Variants in EIF4G3 observed in about 807,000 individuals in gnomAD.
The protein encoded by EIF4G3 is eIF-4-gamma 3.
A neutral mutation model predicts 186.4 loss-of-function variants in EIF4G3; 34 were observed. The ratio of observed to expected loss-of-function variants is 0.18; its 90% CI spans 0.14 to 0.24. The LOEUF (loss-of-function observed/expected upper bound fraction) is 0.24. Among genes scored for constraint, EIF4G3 ranks in the 10% least tolerant of loss-of-function variants. The pLI is 1.00. For missense variants in EIF4G3, 1,536 were observed against 1,948.5 expected (o/e 0.79, Z 3.99); for synonymous variants, 673 against 679.5 (o/e 0.99, Z 0.15).
intron 2 of EIF4G3, chr1:21,167,914 A>G: frequency 3.1e-6 from 1 of 327,586 alleles, no homozygotes; most frequent in Non-Finnish European, 6.4e-6. Context: ...TCTTGCAAAT[A>G]ATGCAAAACA....
intron 1 of EIF4G3, 109 bp from the exon 2 acceptor site, chr1:21,176,467 G>T (rs1456620027): frequency 3.8e-5 from 7 of 185,036 alleles, no homozygotes; most frequent in African/African-American, 9.7e-5. Context: ...GCAGCGGGGG[G>T]GCGGGATGGG....
chr1:20,957,187 A>G (rs1480687457), intron 12 of EIF4G3, among the ~76,000 whole-genome samples: 4 of 152,198 alleles, frequency 2.6e-5, no homozygotes, highest in Admixed American at 6.5e-5. Flanking sequence ...GCTTGAAGGC[A>G]GACTTAAGAG....
At chr1:20,809,484 T>G (rs2154543351) in intron 36 of EIF4G3, among the ~76,000 whole-genome samples, 1 of 152,350 alleles carries the variant, frequency 6.6e-6, no homozygotes, top group Middle Eastern at 3.4e-3. Flanking sequence ...CCAACTGAAT[T>G]TTCAAGATGT....
chr1:21,159,954 A>T (rs1481405791), intron 2 of EIF4G3, among the ~76,000 whole-genome samples: 3 of 152,042 alleles, frequency 2.0e-5, no homozygotes, highest in African/African-American at 7.2e-5. Context: ...AAAATACAAA[A>T]AGTTAGCCAG....
Position 21,116,569 on chromosome 1 carries a change from G to T in EIF4G3, c.-271-27356C>A, listed in dbSNP as rs144387848. Among the ~76,000 whole-genome samples, 227 of 152,126 alleles carry T rather than the reference G, an allele frequency of 1.5e-3. 3 individuals are homozygous for T. The East Asian group carries it at 0.043, about 29-fold the overall frequency. On this transcript the variant is annotated intron_variant, in intron 2 of 36. Transcript: ENST00000602326. The stretch of plus-strand genomic sequence containing the variant: ...TATCAAAATACAGGCCAGGCGCGGC[G>T]GCTCACACCTGTAATCCCAGCACTT...
At chr1:21,137,651 T>TA (rs1474243478) in intron 2 of EIF4G3, among the ~76,000 whole-genome samples, 5 of 151,398 alleles carry the variant, frequency 3.3e-5, no homozygotes, top group Admixed American at 3.3e-4. Context: ...TTTACAAAAT[T>TA]AAAAAATAAT....
intron 14 of EIF4G3, among the ~76,000 whole-genome samples, chr1:20,938,482 C>T (rs1286137201): frequency 6.6e-6 from 1 of 152,156 alleles, no homozygotes; most frequent in African/African-American, 2.4e-5. Flanking sequence ...GGTGTTTCAT[C>T]CTCAGGCAGA....
At chr1:20,889,548 G>A (rs1258924377) in intron 18 of EIF4G3, among the ~76,000 whole-genome samples, 1 of 152,146 alleles carries the variant, frequency 6.6e-6, no homozygotes. Context: ...CCAGGATGGA[G>A]TGCAGTGGCA....
intron 7 of EIF4G3, among the ~76,000 whole-genome samples, chr1:20,989,305 C>T (rs1163202064): frequency 6.6e-6 from 1 of 151,140 alleles, no homozygotes; most frequent in Non-Finnish European, 1.5e-5. Context: ...CTTGTAATCC[C>T]AACACTTCGG....
chr1:21,107,772 C>T (rs542691441), intron 2 of EIF4G3, among the ~76,000 whole-genome samples: 23 of 152,140 alleles, frequency 1.5e-4, no homozygotes, highest in African/African-American at 4.6e-4. Context: ...TCAACTGCCC[C>T]GACTCAAGCA....
intron 3 of EIF4G3, among the ~76,000 whole-genome samples, chr1:21,077,275 C>T (rs2095616099): frequency 6.6e-6 from 1 of 151,840 alleles, no homozygotes; most frequent in Non-Finnish European, 1.5e-5. Context: ...AGGCAGCATG[C>T]TTGTAGTCCC....
chr1:20,810,778 A>G lies in EIF4G3; in HGVS notation c.4704T>C (p.Tyr1568=). ...GTTTTACTATCGATGCTTGTAGTGCATAAAGTGCTTGCAGTTCCTTCTCTG... is the reference window on the plus strand; with the variant it reads ...GTTTTACTATCGATGCTTGTAGTGCGTAAAGTGCTTGCAGTTCCTTCTCTG... ...SDTEKELQAL[Y]ALQASIVKLD... The change falls in exon 36 of 37, where the codon TAT becomes TAC. Residue 1568 remains tyrosine (Y), a synonymous_variant. Transcript: ENST00000602326. This position sits in a 1 kb window ranked among gnomAD's most constrained non-coding sequence, Gnocchi z 4.1. 1 of 1,614,156 alleles carries G rather than the reference A, an allele frequency of 6.2e-7. No individual in the cohort carries two copies.
Position 20,904,611 on chromosome 1 carries a change from G to A in EIF4G3, c.1752+272C>T, listed in dbSNP as rs369153875. Among the ~76,000 whole-genome samples, 15 of 152,280 alleles carry A rather than the reference G, an allele frequency of 9.9e-5. No individual in the cohort carries two copies. In the South Asian group the frequency reaches 2.7e-3, roughly 27 times the overall value. On this transcript the variant is annotated intron_variant, in intron 15 of 36. Transcript: ENST00000602326. ...GATCATCCTGCCTTCACCTCACAAA[G>A]TGCTGGGATTACAGTTGTTAGCCAC... is the stretch of plus-strand genomic sequence containing the variant.
intron 34 of EIF4G3, 39 bp downstream of exon 34, chr1:20,817,353 C>A: frequency 1.4e-6 from 2 of 1,407,394 alleles, no homozygotes; most frequent in African/African-American, 2.9e-5. Context: ...AAGAATCTTT[C>A]CTGTAGAGGT....
At position 20,886,272 on chromosome 1, in the gene EIF4G3, C is replaced by T. The variant is rs760547820; in HGVS notation, c.2353G>A (p.Ala785Thr). The change falls in exon 19 of 37, where the codon GCA becomes ACA. Residue 785 changes from alanine to threonine, a missense_variant. Physicochemically the swap from Ala to Thr is moderately conservative, Grantham distance 58. Around this residue, in one of 11 missense-constraint regions of EIF4G3, gnomAD observed 139 missense variants for 192.8 expected, o/e 0.72. Transcript: ENST00000602326. ...TGGCTTGGCTTCCAGGCATTTTCTG[C>T]CTTTTTCAGGTGTACATCTTCTTTT... ...SVKEDVHLKK[A>T]ENAWKPSQKR... 1.9e-6 allele frequency: 3 copies of T among 1,613,970 alleles called. No individual in the cohort carries two copies. The highest frequency in any genetic ancestry group is 2.5e-6 in the Non-Finnish European group (3 of 1,179,934).
At chr1:21,077,371 A>G (rs973840551) in intron 3 of EIF4G3, among the ~76,000 whole-genome samples, 6 of 151,758 alleles carry the variant, frequency 4.0e-5, no homozygotes, top group African/African-American at 1.5e-4. Context: ...ACTGTCCTCC[A>G]GCCTGGGCAA....
At chr1:20,985,026 ACAGT>A (rs2079141025) in intron 7 of EIF4G3, among the ~76,000 whole-genome samples, 1 of 152,212 alleles carries the variant, frequency 6.6e-6, no homozygotes, top group Non-Finnish European at 1.5e-5. Flanking sequence ...TAACTAAAAC[ACAGT>A]CAGATTATAG....
At chr1:20,913,513 G>C (rs959554088) in intron 14 of EIF4G3, among the ~76,000 whole-genome samples, 1 of 152,172 alleles carries the variant, frequency 6.6e-6, no homozygotes, top group South Asian at 2.1e-4. Context: ...CTGTGTGACA[G>C]AGCAAGAACC....
chr1:20,980,867 G>A (rs1299762554), intron 9 of EIF4G3, among the ~76,000 whole-genome samples, 181 bp downstream of exon 9: 2 of 152,170 alleles, frequency 1.3e-5, no homozygotes, highest in African/African-American at 4.8e-5. Context: ...GTAAACAGAT[G>A]TAGAAATATC....
Sources: gnomAD v4.1 joint callset for allele counts (sites outside exome capture counted in the v4.1 genomes callset) on GRCh38, gnomAD v4.1.1 for gene constraint, gnomAD v4.1.1 regional missense constraint, Gnocchi (gnomAD v3.1) non-coding constraint, MANE v1.5 for transcripts, NCBI Gene and HGNC (gene_info 2026-07-23, HGNC 2026-07-21) for gene names.